The following DAPK1 variants were observed in gnomAD, a reference collection of about 807,000 sequenced individuals.
DAPK1 encodes death associated protein kinase 1.
Under a neutral mutation model 144.9 loss-of-function variants are expected in DAPK1, and 56 were observed. That is an observed-to-expected ratio of 0.39 (90% CI 0.31 to 0.48). The LOEUF (loss-of-function observed/expected upper bound fraction) is 0.48, where lower values mean the gene tolerates loss of function less well. Among genes scored for constraint, DAPK1 ranks in the 20% least tolerant of loss-of-function variants. The pLI is 0.95. For synonymous variants in DAPK1, 690 were observed against 749.0 expected (o/e 0.92, Z 1.29); for missense variants, 1,454 against 1,875.4 (o/e 0.78, Z 4.15).
At chr9:87,694,275 G>T (rs1486278455) in intron 21 of DAPK1, among the ~76,000 whole-genome samples, 3 of 152,192 alleles carry the variant, frequency 2.0e-5, no homozygotes, top group African/African-American at 7.2e-5. Context: ...CAGCTGTGAT[G>T]ATAGTGGTAG....
chr9:87,625,052 T>A (rs1184381820), intron 3 of DAPK1, among the ~76,000 whole-genome samples: 1 of 152,196 alleles, frequency 6.6e-6, no homozygotes, highest in Non-Finnish European at 1.5e-5. Flanking sequence ...TGAAAATGTT[T>A]TTACATTTTC....
intron 9 of DAPK1, among the ~76,000 whole-genome samples, chr9:87,641,596 A>G (rs1830096023): frequency 1.3e-5 from 2 of 152,160 alleles, no homozygotes; most frequent in South Asian, 2.1e-4. Flanking sequence ...CTATAGGCCA[A>G]ACTAACTTTG....
intron 19 of DAPK1, among the ~76,000 whole-genome samples, chr9:87,678,570 T>G (rs1824492226): frequency 6.6e-6 from 1 of 152,250 alleles, no homozygotes; most frequent in Non-Finnish European, 1.5e-5. Context: ...TTTGCCAATC[T>G]ATAAAATAGC....
chr9:87,619,102 G>C (rs1317381206), intron 3 of DAPK1, among the ~76,000 whole-genome samples: 1 of 152,000 alleles, frequency 6.6e-6, no homozygotes, highest in East Asian at 1.9e-4. Context: ...GCCATTGCCA[G>C]ATCACACCTG....
intron 3 of DAPK1, among the ~76,000 whole-genome samples, chr9:87,625,350 A>G (rs753136220): frequency 2.6e-5 from 4 of 152,256 alleles, no homozygotes; most frequent in African/African-American, 9.6e-5. Context: ...AGCTCTAACA[A>G]CAGGCTCCCC....
At chr9:87,646,737 A>ACATTTAT (rs1312783859) in intron 13 of DAPK1, among the ~76,000 whole-genome samples, 178 bp downstream of exon 13, 4 of 152,352 alleles carry the variant, frequency 2.6e-5, no homozygotes, top group African/African-American at 9.6e-5. Flanking sequence ...AAAGAGGCAA[A>ACATTTAT]CATTTATCAT....
intron 2 of DAPK1, among the ~76,000 whole-genome samples, chr9:87,584,123 A>T (rs1827852515): frequency 2.6e-5 from 4 of 152,248 alleles, no homozygotes; most frequent in Admixed American, 2.6e-4. Flanking sequence ...GTATGTATAC[A>T]TTGTGAGATG....
intron 2 of DAPK1, among the ~76,000 whole-genome samples, chr9:87,507,333 C>G (rs138463994): frequency 0.025 from 3,753 of 152,278 alleles, 167 homozygotes; most frequent in African/African-American, 0.085. Context: ...CTGCCTCAGC[C>G]TCCCAAGTAG....
chr9:87,533,823 C>A (rs941438670), intron 2 of DAPK1, among the ~76,000 whole-genome samples: 3 of 152,102 alleles, frequency 2.0e-5, no homozygotes, highest in Non-Finnish European at 4.4e-5. Context: ...CCTCCATGCC[C>A]GGCTAATTTT....
chr9:87,542,238 A>G (rs186421402), intron 2 of DAPK1, among the ~76,000 whole-genome samples: 3 of 152,350 alleles, frequency 2.0e-5, no homozygotes, highest in South Asian at 2.1e-4. Flanking sequence ...ATGAACAATA[A>G]TAGGTAACAT....
chr9:87,687,518 C>T (rs1041665752), intron 21 of DAPK1, among the ~76,000 whole-genome samples: 5 of 152,158 alleles, frequency 3.3e-5, no homozygotes, highest in African/African-American at 1.2e-4. Flanking sequence ...GTGTATACCA[C>T]GTTTTCTTTA....
At chr9:87,674,098 A>G (rs981558578) in intron 19 of DAPK1, among the ~76,000 whole-genome samples, 23 of 152,192 alleles carry the variant, frequency 1.5e-4, no homozygotes, top group Admixed American at 1.5e-3. Flanking sequence ...AATCACTGCA[A>G]GTTCCATTCT....
At chr9:87,520,533 A>G (rs146281610) in intron 2 of DAPK1, among the ~76,000 whole-genome samples, 4 of 152,308 alleles carry the variant, frequency 2.6e-5, no homozygotes, top group Admixed American at 6.5e-5. Flanking sequence ...GCCGGAAGAC[A>G]AGGGGAAAGT....
intron 2 of DAPK1, among the ~76,000 whole-genome samples, chr9:87,578,172 G>A (rs982298943): frequency 1.3e-5 from 2 of 152,132 alleles, no homozygotes; most frequent in African/African-American, 2.4e-5. Flanking sequence ...CCCATCCCCC[G>A]AAAGATCCCA....
chr9:87,632,854 A>G (rs1829748592), intron 3 of DAPK1: 1 of 970,770 alleles, frequency 1.0e-6, no homozygotes, highest in Non-Finnish European at 1.2e-6. Flanking sequence ...ATGAGTACCT[A>G]TGTAAAAATG....
chr9:87,698,653 C>T lies in DAPK1; in HGVS notation c.2612-3C>T, dbSNP rs1002115138. On this transcript the variant is annotated splice_region_variant and splice_polypyrimidine_tract_variant and intron_variant, in intron 22 of 25. Coordinates refer to ENST00000408954, the MANE Select transcript of DAPK1 (RefSeq NM_004938.4). ...CCTGAAGCAGTTCCCTCTCTGCCCC[C>T]AGCCTTCGGTGGCAAGCTGAAGAAC... is the stretch of plus-strand genomic sequence containing the variant. 1 of 1,601,416 alleles carries T rather than the reference C, an allele frequency of 6.2e-7. No homozygotes were observed. The highest frequency in any genetic ancestry group is 1.3e-5 in the African/African-American group (1 of 74,682).
chr9:87,669,767 G>GA (rs888969150), intron 19 of DAPK1, among the ~76,000 whole-genome samples: 1 of 151,782 alleles, frequency 6.6e-6, no homozygotes, highest in Non-Finnish European at 1.5e-5. Context: ...CAGGGGCAGG[G>GA]GGGGGCCACA....
intron 18 of DAPK1, among the ~76,000 whole-genome samples, chr9:87,659,798 AGCCCCCTCAGTCACTCTGCACACACC>A (rs372015746): frequency 0.012 from 1,790 of 152,224 alleles, 36 homozygotes; most frequent in African/African-American, 0.04. Flanking sequence ...CTCATTCTGC[AGCCCCCTCAGTCACTCTGCACACACC>A]GCACCCGCAG....
chr9:87,503,047 G>T (rs1824466487), intron 2 of DAPK1, among the ~76,000 whole-genome samples: 1 of 152,174 alleles, frequency 6.6e-6, no homozygotes, highest in African/African-American at 2.4e-5. Context: ...GCAGTGTGCA[G>T]TGTGGAAAAA....
Sources: allele counts gnomAD v4.1 joint callset (sites outside exome capture counted in the v4.1 genomes callset), GRCh38; gene constraint gnomAD v4.1.1; transcripts MANE v1.5; gene names NCBI Gene and HGNC (gene_info 2026-07-23, HGNC 2026-07-21).